ZNF268: variants seen among roughly 807,000 people sequenced by gnomAD.
ZNF268 encodes the protein zinc finger protein 3.
ZNF268 carries 20 observed loss-of-function variants against 29.3 expected under a neutral mutation model. The observed-to-expected ratio is 0.68, with a 90% confidence interval of 0.48 to 0.99. The LOEUF is 0.99. ZNF268 is among the 50% of genes least tolerant of loss of function. The pLI, the probability that ZNF268 is intolerant of heterozygous loss-of-function variation, is 0.00. For missense variants in ZNF268, 1,240 were observed against 1,121.6 expected, an observed-to-expected ratio of 1.11 and a Z score of -1.51; for synonymous variants, 429 against 376.9, an observed-to-expected ratio of 1.14 and a Z score of -1.60.
In ZNF268 at chr12:133,203,812, C is replaced by T; in HGVS notation, c.2126C>T (p.Ser709Leu). Residue 709 changes from serine to leucine, a missense_variant, in exon 6 of 6, where the codon TCA becomes TTA. Ser to Leu is a moderately radical substitution (Grantham distance 145). Coordinates refer to ENST00000536435, the MANE Select transcript of ZNF268 (RefSeq NM_003415.3). ...SECGKAFRSKSYLIIHMRTHT... is the reference protein window; with the variant it reads ...SECGKAFRSKLYLIIHMRTHT... ...TGTGGGAAAGCCTTCAGGAGCAAGT[C>T]ATACCTTATTATACATATGAGAACT... 6.4e-7 allele frequency: 1 copy of T among 1,563,528 alleles called. No individual in the cohort carries two copies. The highest frequency in any genetic ancestry group is 8.6e-7 in the Non-Finnish European group (1 of 1,160,916).
In ZNF268 at chr12:133,204,649, C is replaced by A; in HGVS notation, c.*119C>A. 1.4e-6 allele frequency: 1 copy of A among 712,738 alleles called. No individual in the cohort carries two copies. The highest frequency in any genetic ancestry group is 2.2e-6 in the Non-Finnish European group (1 of 458,192). 44.2% of individuals were successfully genotyped at this position (712,738 alleles called of 1,614,324 possible). A position where few individuals can be genotyped will look rare whatever the true frequency, so the allele number is the denominator to read the frequency against. Reference sequence around the variant, plus strand: ...CCAGAAAACTCATACTGAATAGAAACTTTATGAATGCACAGCATATGGAAA... The same window carrying A: ...CCAGAAAACTCATACTGAATAGAAAATTTATGAATGCACAGCATATGGAAA... On this transcript the variant is annotated 3_prime_UTR_variant, in exon 6 of 6. Transcript: ENST00000536435.
At position 133,208,360 on chromosome 12, in the gene ZNF268, G is replaced by C. The variant is rs554879893; in HGVS notation, c.*3830G>C. 1 of 152,386 alleles carries C rather than the reference G, an allele frequency of 6.6e-6. No individual in the cohort carries two copies. The highest frequency in any genetic ancestry group is 1.5e-5 in the Non-Finnish European group (1 of 68,110). The allele number at this position is 152,386 out of a possible 1,614,324, so 9.4% of individuals were successfully genotyped here. A position where few individuals can be genotyped will look rare whatever the true frequency, so the allele number is the denominator to read the frequency against. On this transcript the variant is annotated 3_prime_UTR_variant, in exon 6 of 6. Coordinates refer to ENST00000536435, the MANE Select transcript of ZNF268 (RefSeq NM_003415.3). ...AAAATACAAAAGTCAGCCAGGTGTG[G>C]TGGCACGTGCCTGTAATCCCATCTA...
intron 5 of ZNF268, chr12:133,193,308 G>T: frequency 4.0e-6 from 2 of 502,980 alleles, no homozygotes; most frequent in Non-Finnish European, 7.1e-6. Flanking sequence ...ACTCTGGCCT[G>T]GGTGATAGTG....
intron 3 of ZNF268, among the ~76,000 whole-genome samples, chr12:133,188,656 G>A (rs1005136198): frequency 5.3e-5 from 8 of 151,594 alleles, no homozygotes; most frequent in Non-Finnish European, 7.4e-5. Flanking sequence ...GTGTGTTTAC[G>A]TAATATGTAT....
chr12:133,191,444 A>T (rs1261693005), intron 3 of ZNF268, 45 bp from the exon 4 acceptor site: 10 of 1,612,556 alleles, frequency 6.2e-6, no homozygotes, highest in Non-Finnish European at 6.8e-6. Context: ...TTTTCCACAA[A>T]CCTAGTAAAA....
Position 133,203,946 on chromosome 12 carries a change from T to G in ZNF268, c.2260T>G (p.Cys754Gly). The change falls in exon 6 of 6, where the codon TGC (cysteine) becomes GGC (glycine). Residue 754 changes from cysteine (C) to glycine (G), a missense_variant. Transcript: ENST00000536435. ...RIHTGENPYE[C>G]SECGKAFNRK... ...TCACACAGGAGAAAATCCCTATGAA[T>G]GCAGTGAATGTGGGAAAGCCTTTAA... 1 of 1,594,352 alleles carries G rather than the reference T, an allele frequency of 6.3e-7. No individual in the cohort carries two copies. Among genetic ancestry groups the G allele is most frequent in the African/African-American group, 1.3e-5 (1 of 74,440 alleles).
chr12:133,202,899 A>G lies in ZNF268; in HGVS notation c.1213A>G (p.Ile405Val), dbSNP rs768671509. The change falls in exon 6 of 6, where the codon ATA (isoleucine) becomes GTA (valine). Residue 405 changes from isoleucine to valine, a missense_variant. This residue lies in a region of ZNF268 where 1,177 missense variants were observed against 1,039.6 expected (regional missense o/e 1.13). Coordinates refer to ENST00000536435, the MANE Select transcript of ZNF268 (RefSeq NM_003415.3). ...KAFGLKSQLI[I>V]HERIHTGEKP... ...TTTTGGTTTAAAATCACAGCTCATT[A>G]TACATGAAAGAATTCATACAGGAGA... is the stretch of plus-strand genomic sequence containing the variant. 12 of 1,550,580 alleles carry G rather than the reference A, an allele frequency of 7.7e-6. No individual in the cohort carries two copies. The highest frequency in any genetic ancestry group is 1.9e-5 in the Admixed American group (1 of 51,550).
Position 133,211,210 on chromosome 12 carries a change from A to C in ZNF268, c.*6680A>C, listed in dbSNP as rs376746795. The C allele has an allele frequency of 7.0e-4, 137 of 194,384 alleles. No homozygotes were observed. The highest frequency in any genetic ancestry group is 2.7e-3 in the South Asian group (93 of 34,820). 12.0% of individuals were successfully genotyped at this position (194,384 alleles called of 1,614,324 possible). On this transcript the variant is annotated 3_prime_UTR_variant, in exon 6 of 6. Transcript: ENST00000536435. ...AAAAAGTGTTTGTATGCAAAATATAAAAAAAAAACCCTAAAATTGAACAAG... is the reference window on the plus strand; with the variant it reads ...AAAAAGTGTTTGTATGCAAAATATACAAAAAAAACCCTAAAATTGAACAAG...
At chr12:133,192,281 T>G (rs1956495673) in intron 5 of ZNF268, among the ~76,000 whole-genome samples, 1 of 152,004 alleles carries the variant, frequency 6.6e-6, no homozygotes. Context: ...CCAATTTTTG[T>G]ATTTTTAGTA....
chr12:133,200,280 T>C (rs1024347570), intron 5 of ZNF268, among the ~76,000 whole-genome samples: 1 of 152,224 alleles, frequency 6.6e-6, no homozygotes, highest in African/African-American at 2.4e-5. Flanking sequence ...TTCATTTCGT[T>C]ATGTACCCCA....
chr12:133,195,234 G>T (rs1040168325), intron 5 of ZNF268, among the ~76,000 whole-genome samples: 1 of 152,182 alleles, frequency 6.6e-6, no homozygotes, highest in Admixed American at 6.5e-5. Context: ...CGAGATGGTC[G>T]TTGGGGAAAT....
rs1956766955 is a variant in ZNF268, at chr12:133,202,163, T to C, written c.477T>C (p.Asp159=). ...QTCPNTVWKI[D]DLMDWHQENK... ...TTCTAGACACAGTCTGGAAAATTGA[T>C]GATCTTATGGATTGGCATCAGGAAA... Residue 159 remains aspartate, a synonymous_variant, in exon 6 of 6, where the codon GAT becomes GAC. Coordinates refer to ENST00000536435, the MANE Select transcript of ZNF268 (RefSeq NM_003415.3). 1.3e-6 allele frequency: 2 copies of C among 1,583,494 alleles called. No homozygotes were observed. The highest frequency in any genetic ancestry group is 1.7e-6 in the Non-Finnish European group (2 of 1,165,622).
intron 5 of ZNF268, among the ~76,000 whole-genome samples, chr12:133,198,568 G>T (rs1241021561): frequency 2.0e-5 from 3 of 152,106 alleles, no homozygotes; most frequent in Non-Finnish European, 4.4e-5. Flanking sequence ...TCAATTCTAT[G>T]AAGAAAGTCA....
At chr12:133,186,841 A>G (rs1412194689) in intron 2 of ZNF268, among the ~76,000 whole-genome samples, 1 of 152,224 alleles carries the variant, frequency 6.6e-6, no homozygotes, top group East Asian at 1.9e-4. Flanking sequence ...TAGATATTAT[A>G]TGATCCCATT....
intron 5 of ZNF268, among the ~76,000 whole-genome samples, chr12:133,197,878 T>G (rs1039401111): frequency 1.3e-5 from 2 of 152,130 alleles, no homozygotes; most frequent in African/African-American, 4.8e-5. Context: ...CACTTTTTGA[T>G]GGGGTTGTTT....
intron 5 of ZNF268, among the ~76,000 whole-genome samples, chr12:133,193,105 C>T (rs1028334925): frequency 6.6e-6 from 1 of 152,174 alleles, no homozygotes. Context: ...TTCCACTGGG[C>T]TTCTCTTGCT....
rs569714671 is a variant in ZNF268 at position 133,211,012 on chromosome 12, G to A, written c.*6482G>A. ...TACGATTTTCCATGCCATAATTTTGGAAAACGAAACTGAAATAGAGTCCAT... is the reference window on the plus strand; with the variant it reads ...TACGATTTTCCATGCCATAATTTTGAAAAACGAAACTGAAATAGAGTCCAT... On this transcript the variant is annotated 3_prime_UTR_variant, in exon 6 of 6. Transcript: ENST00000536435. The A allele has an allele frequency of 4.1e-4, 186 of 455,962 alleles. No homozygotes were observed. Among genetic ancestry groups the A allele is most frequent in the African/African-American group, 3.5e-3 (173 of 50,140 alleles). 28.2% of individuals were successfully genotyped at this position (455,962 alleles called of 1,614,324 possible).
chr12:133,186,823 CAA>C (rs1566365196), intron 2 of ZNF268, among the ~76,000 whole-genome samples: 1 of 152,192 alleles, frequency 6.6e-6, no homozygotes, highest in Non-Finnish European at 1.5e-5. Flanking sequence ...AAGCCAGACA[CAA>C]AAGACTAGAT....
chr12:133,201,872 C>A (rs1956758652), intron 5 of ZNF268, among the ~76,000 whole-genome samples: 1 of 152,036 alleles, frequency 6.6e-6, no homozygotes. Flanking sequence ...TTTTAAACTT[C>A]TTATCAGTTT....
Sources: allele counts gnomAD v4.1 joint callset (sites outside exome capture counted in the v4.1 genomes callset), GRCh38; gene constraint gnomAD v4.1.1; regional missense constraint gnomAD v4.1.1; transcripts MANE v1.5; gene names NCBI Gene and HGNC (gene_info 2026-07-23, HGNC 2026-07-21).